ANKRD45: variants seen among roughly 807,000 people sequenced by gnomAD.
ANKRD45 encodes ankyrin repeat domain-containing protein 45.
A neutral mutation model predicts 28.1 loss-of-function variants in ANKRD45; 21 were observed. The observed-to-expected ratio is 0.75, with a 90% confidence interval of 0.53 to 1.08. ANKRD45 has a LOEUF of 1.08. ANKRD45 is among the 50% of genes least tolerant of loss of function. ANKRD45 has a pLI of 0.00. For synonymous variants in ANKRD45, 86 were observed against 103.9 expected (o/e 0.83, Z 1.05); for missense variants, 261 against 308.7 (o/e 0.85, Z 1.16).
chr1:173,700,397 C>T, the ANKRD45 span, among the ~76,000 whole-genome samples: 2 of 152,292 alleles, frequency 1.3e-5, no homozygotes, highest in East Asian at 1.9e-4. Flanking sequence ...AAGCTGGAGG[C>T]ATCATGCTAC....
chr1:173,666,284 T>C (rs895967810), intron 1 of ANKRD45, among the ~76,000 whole-genome samples: 7 of 152,194 alleles, frequency 4.6e-5, no homozygotes, highest in African/African-American at 1.4e-4. Flanking sequence ...GATCTCCAGC[T>C]TGCTGAATGC....
At chr1:173,686,010 C>G in the ANKRD45 span, among the ~76,000 whole-genome samples, 1 of 152,126 alleles carries the variant, frequency 6.6e-6, no homozygotes, top group Non-Finnish European at 1.5e-5. Context: ...GAATGTTGGA[C>G]CAACTACAGC....
chr1:173,624,337 T>G (rs1486936516), intron 5 of ANKRD45, among the ~76,000 whole-genome samples: 3 of 151,528 alleles, frequency 2.0e-5, no homozygotes, highest in Admixed American at 6.6e-5. Context: ...CATAAAAAAT[T>G]TAAAAATTGG....
chr1:173,665,625 G>A (rs1004962689), intron 1 of ANKRD45, among the ~76,000 whole-genome samples: 56 of 152,242 alleles, frequency 3.7e-4, no homozygotes, highest in African/African-American at 1.3e-3. Flanking sequence ...CAAATTCTTT[G>A]ATCTCAGGGC....
At chr1:173,658,763 A>G (rs1170678150) in intron 2 of ANKRD45, 4 of 177,212 alleles carry the variant, frequency 2.3e-5, no homozygotes, top group Non-Finnish European at 4.7e-5. Flanking sequence ...TATTTATTTT[A>G]TCCTATTTAA....
the ANKRD45 span, among the ~76,000 whole-genome samples, chr1:173,686,462 A>C: frequency 6.6e-6 from 1 of 152,124 alleles, no homozygotes; most frequent in South Asian, 2.1e-4. Context: ...GGTGGTTAGC[A>C]GCACAAGTTA....
chr1:173,715,069 G>T, the ANKRD45 span: 2 of 152,530 alleles, frequency 1.3e-5, no homozygotes, highest in African/African-American at 4.8e-5. Context: ...AGAAGAAAGT[G>T]TCAGAGCCGG....
intron 2 of ANKRD45, among the ~76,000 whole-genome samples, chr1:173,653,150 T>C (rs1415391782): frequency 6.6e-6 from 1 of 152,222 alleles, no homozygotes; most frequent in African/African-American, 2.4e-5. Flanking sequence ...CTTTTGAATA[T>C]GTTTGCTCTT....
chr1:173,688,411 C>CCTCTCTCTGTCTGCCTCTTCCT, the ANKRD45 span, among the ~76,000 whole-genome samples: 1 of 103,954 alleles, frequency 9.6e-6, no homozygotes, highest in African/African-American at 5.1e-5. Flanking sequence ...TCTGCCTCTT[C>CCTCTCTCTGTCTGCCTCTTCCT]CTCTCTCTCT....
Position 173,610,092 on chromosome 1 carries a change from A to G in ANKRD45, c.*53T>C. On this transcript the variant is annotated 3_prime_UTR_variant, in exon 6 of 6. Coordinates refer to ENST00000333279, the MANE Select transcript of ANKRD45 (RefSeq NM_198493.3). ...TTTCTCGATTTCAAATGGCATGAAT[A>G]GGTTTGCCTTTCAGATACTAAAAGA... 1 of 1,517,682 alleles carries G rather than the reference A, an allele frequency of 6.6e-7. No homozygotes were observed. Among genetic ancestry groups the G allele is most frequent in the Non-Finnish European group, 9.1e-7 (1 of 1,098,278 alleles). The allele number at this position is 1,517,682 out of a possible 1,614,324, so 94.0% of individuals were successfully genotyped here.
the ANKRD45 span, among the ~76,000 whole-genome samples, chr1:173,699,593 G>A: frequency 6.6e-6 from 1 of 152,150 alleles, no homozygotes; most frequent in African/African-American, 2.4e-5. Flanking sequence ...CTCAATAGAT[G>A]CAGAAAAGGC....
At chr1:173,712,193 C>T in the ANKRD45 span, among the ~76,000 whole-genome samples, 8 of 152,294 alleles carry the variant, frequency 5.3e-5, no homozygotes, top group East Asian at 1.5e-3. Context: ...CAGTGAATTA[C>T]CATTTTATAC....
At chr1:173,653,635 T>G (rs1669347038) in intron 2 of ANKRD45, among the ~76,000 whole-genome samples, 2 of 152,218 alleles carry the variant, frequency 1.3e-5, no homozygotes, top group African/African-American at 4.8e-5. Context: ...AGAGCTGAGT[T>G]CAAGTCCTGG....
At chr1:173,647,926 G>T (rs926890481) in intron 2 of ANKRD45, among the ~76,000 whole-genome samples, 30 of 152,040 alleles carry the variant, frequency 2.0e-4, no homozygotes, top group African/African-American at 6.8e-4. Context: ...TGGGACTATA[G>T]GCTCATGCCA....
chr1:173,694,987 C>T, the ANKRD45 span, among the ~76,000 whole-genome samples: 1 of 152,024 alleles, frequency 6.6e-6, no homozygotes, highest in African/African-American at 2.4e-5. Flanking sequence ...TAATATTTTT[C>T]AAATCATTTT....
chr1:173,619,923 C>T lies in ANKRD45; in HGVS notation c.730+4864G>A, dbSNP rs564361145. 7.2e-5 allele frequency among the ~76,000 whole-genome samples: 11 copies of T among 151,832 alleles called. No homozygotes were observed. The South Asian group carries it at 2.3e-3, about 32-fold the overall frequency. On this transcript the variant is annotated intron_variant, in intron 5 of 5. Coordinates refer to ENST00000333279, the MANE Select transcript of ANKRD45 (RefSeq NM_198493.3). ...GAGCTAACTATCCTAAATATATATG[C>T]ACACAATACAGGAGCACCCAGATTC...
At chr1:173,628,355 C>T (rs965319105) in intron 3 of ANKRD45, among the ~76,000 whole-genome samples, 1 of 152,064 alleles carries the variant, frequency 6.6e-6, no homozygotes, top group African/African-American at 2.4e-5. Context: ...CAAGCCTTGG[C>T]TCCTGGAGAG....
chr1:173,686,054 A>T, the ANKRD45 span, among the ~76,000 whole-genome samples: 1 of 152,268 alleles, frequency 6.6e-6, no homozygotes, highest in East Asian at 1.9e-4. Context: ...AAGACTCCTG[A>T]TTGACACTGG....
chr1:173,686,831 T>C, the ANKRD45 span, among the ~76,000 whole-genome samples: 2 of 152,338 alleles, frequency 1.3e-5, no homozygotes, highest in East Asian at 1.9e-4. Context: ...ATTTCACCTT[T>C]ATATTAGTGT....
Sources: gnomAD v4.1 joint callset for allele counts (sites outside exome capture counted in the v4.1 genomes callset) on GRCh38, gnomAD v4.1.1 for gene constraint, MANE v1.5 for transcripts, NCBI Gene and HGNC (gene_info 2026-07-23, HGNC 2026-07-21) for gene names.